The following DNAI7 variants were observed in gnomAD, a reference collection of about 807,000 sequenced individuals.
The protein encoded by DNAI7 is dynein axonemal intermediate chain 7, also known as cancer susceptibility 1.
A neutral mutation model predicts 86.6 loss-of-function variants in DNAI7; 78 were observed. The observed-to-expected ratio is 0.90, with a 90% CI of 0.75 to 1.09. DNAI7 has a LOEUF of 1.09. Ranked by LOEUF, DNAI7 falls within the 50% of genes least tolerant of loss-of-function variation. DNAI7 has a pLI of 0.00. For missense variants in DNAI7, 753 were observed against 810.2 expected, an observed-to-expected ratio of 0.93 and a Z score of 0.86; for synonymous variants, 274 against 273.0, an observed-to-expected ratio of 1.00 and a Z score of -0.04.
intron 2 of DNAI7, among the ~76,000 whole-genome samples, chr12:25,168,267 C>A (rs1947729841): frequency 6.6e-6 from 1 of 152,170 alleles, no homozygotes; most frequent in Admixed American, 6.5e-5. Context: ...GCTAATTGGG[C>A]AGGTACATGC....
chr12:25,163,949 C>T (rs1947131751), intron 2 of DNAI7, among the ~76,000 whole-genome samples: 1 of 152,190 alleles, frequency 6.6e-6, no homozygotes, highest in Non-Finnish European at 1.5e-5. Context: ...CGGTGCTGGT[C>T]ACTGACTTGG....
rs564606898 is a variant in DNAI7 at position 25,167,000 on chromosome 12, T to G, written c.22-5803A>C. On this transcript the variant is annotated intron_variant, in intron 2 of 15. Transcript: ENST00000395987. ...TCCTGGCCCAGACTTCAATCCAGCCTCCCACAGTATTCCAGATACCACACC... is the reference window on the plus strand; with the variant it reads ...TCCTGGCCCAGACTTCAATCCAGCCGCCCACAGTATTCCAGATACCACACC... Among the ~76,000 whole-genome samples, 92 of 152,250 alleles carry G rather than the reference T, an allele frequency of 6.0e-4. No homozygotes were observed. The Middle Eastern group carries it at 0.014, about 23-fold the overall frequency.
At chr12:25,145,569 T>G (rs890995427) in intron 8 of DNAI7, among the ~76,000 whole-genome samples, 1 of 152,200 alleles carries the variant, frequency 6.6e-6, no homozygotes, top group Admixed American at 6.5e-5. Flanking sequence ...TGTCTCTGAT[T>G]AGATGTAAAC....
intron 11 of DNAI7, among the ~76,000 whole-genome samples, chr12:25,121,078 C>T (rs1446808600): frequency 1.3e-5 from 2 of 152,182 alleles, no homozygotes; most frequent in African/African-American, 4.8e-5. Context: ...GATTTCCAAA[C>T]TTTAGGGTGT....
At chr12:25,169,487 T>C (rs992770746) in intron 2 of DNAI7, among the ~76,000 whole-genome samples, 3 of 152,210 alleles carry the variant, frequency 2.0e-5, no homozygotes, top group African/African-American at 4.8e-5. Context: ...AAAGCCTGTT[T>C]GGTGGTCTCT....
intron 6 of DNAI7, among the ~76,000 whole-genome samples, chr12:25,150,846 C>T (rs538863969): frequency 2.0e-5 from 3 of 152,172 alleles, no homozygotes; most frequent in South Asian, 2.1e-4. Context: ...CAAAATATAA[C>T]AACAATCAGG....
chr12:25,114,840 T>C lies in DNAI7; in HGVS notation c.1427A>G (p.Asn476Ser), dbSNP rs752358122. ...TCTTTCTTTTGGTTTGTAGGATACA[T>C]TGCTGATGCCATCAGTTCTCCAATG... ...GKHWRTDGIS[N>S]VSYKPKERLV... is the part of the protein sequence containing the mutation. The change falls in exon 13 of 16, where the codon AAT becomes AGT. Residue 476 changes from asparagine (N) to serine (S), a missense_variant. Asn to Ser is a conservative substitution (Grantham distance 46). Coordinates refer to ENST00000395987, the MANE Select transcript of DNAI7 (RefSeq NM_018272.5). The C allele has an allele frequency of 1.9e-5, 30 of 1,613,964 alleles. No homozygotes were observed. Among genetic ancestry groups the C allele is most frequent in the East Asian group, 2.2e-5 (1 of 44,868 alleles).
Position 25,120,733 on chromosome 12 carries a change from T to A in DNAI7, c.1239+1020A>T, listed in dbSNP as rs971929641. On this transcript the variant is annotated intron_variant, in intron 11 of 15. Transcript: ENST00000395987. ...GAGCGAGACTCCGTCTCAAAAAAAA[T>A]AAAAATAAAAAAAATAAATAAACCA... Among the ~76,000 whole-genome samples, 48 of 151,492 alleles carry A rather than the reference T, an allele frequency of 3.2e-4. 1 individual carries two copies. The highest frequency in any genetic ancestry group is 1.2e-4 in the Non-Finnish European group (8 of 67,818).
At chr12:25,152,887 T>C (rs1406406538) in intron 6 of DNAI7, among the ~76,000 whole-genome samples, 1 of 152,234 alleles carries the variant, frequency 6.6e-6, no homozygotes, top group African/African-American at 2.4e-5. Flanking sequence ...ACGCTAGTTT[T>C]TCGTTTTACT....
chr12:25,135,356 C>A (rs914710861), intron 9 of DNAI7, among the ~76,000 whole-genome samples: 3 of 152,226 alleles, frequency 2.0e-5, no homozygotes, highest in African/African-American at 4.8e-5. Flanking sequence ...TGACTTTTAT[C>A]TCACAGGGGT....
At chr12:25,155,805 G>C (rs557313712) in intron 4 of DNAI7, among the ~76,000 whole-genome samples, 2 of 152,238 alleles carry the variant, frequency 1.3e-5, no homozygotes, top group Non-Finnish European at 2.9e-5. Flanking sequence ...GAAGGAGCCA[G>C]CTTCACAAAA....
intron 2 of DNAI7, among the ~76,000 whole-genome samples, chr12:25,187,924 T>C (rs540494297): frequency 6.6e-6 from 1 of 152,110 alleles, no homozygotes; most frequent in South Asian, 2.1e-4. Flanking sequence ...AAGGCTTGCA[T>C]ATGTCAACTC....
intron 8 of DNAI7, among the ~76,000 whole-genome samples, chr12:25,145,209 GA>G (rs1417343505): frequency 6.6e-6 from 1 of 152,136 alleles, no homozygotes. Flanking sequence ...CCCAAAAAGT[GA>G]AGAACCATTG....
At chr12:25,151,669 G>A (rs558928691) in intron 6 of DNAI7, among the ~76,000 whole-genome samples, 3 of 152,346 alleles carry the variant, frequency 2.0e-5, no homozygotes, top group African/African-American at 7.2e-5. Flanking sequence ...TAGACAGGAT[G>A]TGTAGTAGCA....
intron 1 of DNAI7, among the ~76,000 whole-genome samples, chr12:25,191,237 A>T (rs577632491): frequency 6.6e-6 from 1 of 152,162 alleles, no homozygotes; most frequent in African/African-American, 2.4e-5. Context: ...ACACAGGAAG[A>T]CCCCGTCTCT....
intron 6 of DNAI7, among the ~76,000 whole-genome samples, chr12:25,153,524 T>G (rs7972282): frequency 0.092 from 13,954 of 152,246 alleles, 1,969 homozygotes; most frequent in African/African-American, 0.31. Flanking sequence ...TATCTCCTTT[T>G]GCACAATAAA....
intron 9 of DNAI7, 102 bp downstream of exon 9, chr12:25,144,259 CCAGA>C: frequency 1.1e-6 from 1 of 935,642 alleles, no homozygotes; most frequent in Non-Finnish European, 1.6e-6. Context: ...AAAGTGGCTC[CCAGA>C]CAATTTCCAG....
Position 25,182,605 on chromosome 12 carries a change from TACACACACACACAC to T in DNAI7, c.21+7995_21+8008del, listed in dbSNP as rs71065917. On this transcript the variant is annotated intron_variant, in intron 2 of 15. Coordinates refer to ENST00000395987, the MANE Select transcript of DNAI7 (RefSeq NM_018272.5). ...GCCAGAGTGATAGAGTGAGACTGTC[TACACACACACACAC>T]ACACACACACACACACACAAGCCAG... Among the ~76,000 whole-genome samples the T allele has an allele frequency of 2.4e-4, 32 of 132,212 alleles. 1 individual carries two copies. Among genetic ancestry groups the T allele is most frequent in the African/African-American group, 8.7e-4 (30 of 34,336 alleles). The allele number at this position is 132,212 out of a possible 152,430, so 86.7% of individuals were successfully genotyped here. A position where few individuals can be genotyped will look rare whatever the true frequency, so the allele number is the denominator to read the frequency against.
At chr12:25,112,406 T>TG (rs1429601803) in intron 13 of DNAI7, among the ~76,000 whole-genome samples, 1 of 131,874 alleles carries the variant, frequency 7.6e-6, no homozygotes, top group East Asian at 2.3e-4. Flanking sequence ...CTGGTTTTTT[T>TG]TTTTTTTTTT....
Sources: gnomAD v4.1 joint callset for allele counts (sites outside exome capture counted in the v4.1 genomes callset) on GRCh38, gnomAD v4.1.1 for gene constraint, MANE v1.5 for transcripts, NCBI Gene and HGNC (gene_info 2026-07-23, HGNC 2026-07-21) for gene names.